Variants in FAM167A observed in about 807,000 individuals in gnomAD.
FAM167A encodes family with sequence similarity 167 member A, also known as protein FAM167A.
In FAM167A, 23 loss-of-function variants were observed where a neutral mutation model predicts 14.9. That is an observed-to-expected ratio of 1.55 (90% CI 1.11 to 2.19). The LOEUF (loss-of-function observed/expected upper bound fraction) is 2.19. Ranked by LOEUF, FAM167A falls within the 30% of genes most tolerant of loss-of-function variation. FAM167A has a pLI of 0.00. For missense variants in FAM167A, 401 were observed against 281.5 expected, an observed-to-expected ratio of 1.42 and a Z score of -3.04; for synonymous variants, 174 against 117.7, an observed-to-expected ratio of 1.48 and a Z score of -3.10.
In FAM167A at chr8:11,450,985, G is replaced by T. The variant is rs147034748; in HGVS notation, c.-397-6177C>A. On this transcript the variant is annotated intron_variant, in intron 1 of 2. Coordinates refer to ENST00000284486, the MANE Select transcript of FAM167A (RefSeq NM_053279.3). ...GGAGTTGGAGGGGACAGTCTGATGTGACAGACCTAGCTTGAGGGCCTCCTT... is the reference window on the plus strand; with the variant it reads ...GGAGTTGGAGGGGACAGTCTGATGTTACAGACCTAGCTTGAGGGCCTCCTT... Among the ~76,000 whole-genome samples, 6 of 152,358 alleles carry T rather than the reference G, an allele frequency of 3.9e-5. No homozygotes were observed. In the East Asian group the frequency reaches 1.2e-3, roughly 29 times the overall value.
At chr8:11,427,191 G>C (rs1331735888) in intron 2 of FAM167A, among the ~76,000 whole-genome samples, 2 of 152,124 alleles carry the variant, frequency 1.3e-5, no homozygotes, top group African/African-American at 2.4e-5. Context: ...TGTATTTTCT[G>C]CTCATGTTTA....
rs1806677583 is a variant in FAM167A, at chr8:11,444,718, GTCTA to G, written c.-311_-308del. ...GAATCTCGGGGCAGCCTGTGCCAAG[GTCTA>G]TCTGTCCTGAACGCACTCGAAGACC... On this transcript the variant is annotated 5_prime_UTR_variant, in exon 2 of 3. Coordinates refer to ENST00000284486, the MANE Select transcript of FAM167A (RefSeq NM_053279.3). The G allele has an allele frequency of 8.5e-7, 1 of 1,171,848 alleles. No homozygotes were observed. The highest frequency in any genetic ancestry group is 4.3e-5 in the Admixed American group (1 of 23,410). 72.6% of individuals were successfully genotyped at this position (1,171,848 alleles called of 1,614,324 possible).
chr8:11,473,951 C>A (rs918757952), intron 1 of FAM167A, among the ~76,000 whole-genome samples: 2 of 152,098 alleles, frequency 1.3e-5, no homozygotes, highest in Non-Finnish European at 2.9e-5. Context: ...CAGCTCACTG[C>A]CAATCTTTGC....
intron 1 of FAM167A, among the ~76,000 whole-genome samples, chr8:11,452,844 A>G (rs1342859158): frequency 6.6e-6 from 1 of 152,192 alleles, no homozygotes; most frequent in Non-Finnish European, 1.5e-5. Flanking sequence ...GAGCAATGGT[A>G]GGTCTCCTCA....
intron 2 of FAM167A, among the ~76,000 whole-genome samples, chr8:11,437,148 T>C (rs565680820): frequency 1.1e-3 from 164 of 152,226 alleles, no homozygotes; most frequent in Non-Finnish European, 1.3e-3. Flanking sequence ...TCCTATAGCA[T>C]GGTGGGTGAA....
At position 11,424,590 on chromosome 8, in the gene FAM167A, C is replaced by T. The variant is rs745542182; in HGVS notation, c.428G>A (p.Arg143His). ...CAGCTTGTTGATGTCGCCACGCAGG[C>T]GCATGAGCTGTCTGGCCAGTTGCTG... ...QDQQLARQLM[R>H]LRGDINKLKI... Residue 143 changes from arginine to histidine, a missense_variant, in exon 3 of 3, where the codon CGC becomes CAC. Transcript: ENST00000284486. 6.2e-6 allele frequency: 10 copies of T among 1,613,932 alleles called. No homozygotes were observed. The highest frequency in any genetic ancestry group is 4.5e-5 in the East Asian group (2 of 44,884).
In FAM167A at chr8:11,475,157, G is replaced by C. The variant is rs985560198; in HGVS notation, c.-398+709C>G. Among the ~76,000 whole-genome samples, 5 of 152,150 alleles carry C rather than the reference G, an allele frequency of 3.3e-5. No homozygotes were observed. The East Asian group carries it at 7.7e-4, about 24-fold the overall frequency. On this transcript the variant is annotated intron_variant, in intron 1 of 1. Coordinates refer to the FAM167A transcript ENST00000648766. ...AGACCAGCCTGGGGCTAACAGTTCT[G>C]CAGCCAAGGCCCACCGTGGTGCCCC...
At chr8:11,436,705 G>C (rs1806044795) in intron 2 of FAM167A, among the ~76,000 whole-genome samples, 1 of 152,210 alleles carries the variant, frequency 6.6e-6, no homozygotes, top group African/African-American at 2.4e-5. Context: ...GTGCCGAAGT[G>C]CCCTGGGGTC....
At chr8:11,464,826 C>A (rs1807689052) in intron 1 of FAM167A, among the ~76,000 whole-genome samples, 3 of 152,226 alleles carry the variant, frequency 2.0e-5, no homozygotes, top group Admixed American at 2.0e-4. Flanking sequence ...CAAGTAGTTT[C>A]TTCCTCATTG....
At chr8:11,460,303 G>A (rs1295715605) in intron 1 of FAM167A, among the ~76,000 whole-genome samples, 1 of 152,224 alleles carries the variant, frequency 6.6e-6, no homozygotes, top group African/African-American at 2.4e-5. Flanking sequence ...CCAGCCTGGT[G>A]TGGAAGAGAA....
At chr8:11,433,267 A>G (rs1361479002) in intron 2 of FAM167A, among the ~76,000 whole-genome samples, 1 of 152,136 alleles carries the variant, frequency 6.6e-6, no homozygotes, top group Non-Finnish European at 1.5e-5. Flanking sequence ...ACAAGGAGCA[A>G]CTCTATGAAG....
chr8:11,474,919 G>A (rs1038819703), intron 1 of FAM167A, among the ~76,000 whole-genome samples: 1 of 151,732 alleles, frequency 6.6e-6, no homozygotes, highest in Non-Finnish European at 1.5e-5. Flanking sequence ...AGAGGGGAGG[G>A]GAGAGGGAGA....
intron 2 of FAM167A, chr8:11,438,419 C>G (rs201626182): frequency 2.2e-6 from 1 of 453,144 alleles, no homozygotes; most frequent in Non-Finnish European, 4.4e-6. Context: ...GAAGGCCTTA[C>G]TTTTATTTTA....
intron 1 of FAM167A, among the ~76,000 whole-genome samples, chr8:11,450,856 G>A (rs1292008932): frequency 1.3e-5 from 2 of 152,078 alleles, no homozygotes; most frequent in African/African-American, 4.8e-5. Flanking sequence ...CACCCTGCCT[G>A]CCCTGACCAC....
chr8:11,440,305 A>T (rs997810549), intron 2 of FAM167A, among the ~76,000 whole-genome samples: 1 of 152,226 alleles, frequency 6.6e-6, no homozygotes, highest in African/African-American at 2.4e-5. Context: ...AGAGGCTTGG[A>T]GGATCTCCAT....
At chr8:11,456,448 A>G (rs73209249) in intron 1 of FAM167A, among the ~76,000 whole-genome samples, 17,850 of 71,564 alleles carry the variant, frequency 0.25, 1,752 homozygotes, top group Middle Eastern at 0.33. Context: ...GAGTGTGGGT[A>G]CTTGCCCTGC....
At position 11,438,510 on chromosome 8, in the gene FAM167A, G is replaced by A. The variant is rs534124460; in HGVS notation, c.381+5521C>T. ...TTGGCAAGGGAGAGAAGAGCCTGGT[G>A]CTAGCACTTTTGCTTCTTTGGTCTT... On this transcript the variant is annotated intron_variant, in intron 2 of 2. Transcript: ENST00000284486. The A allele has an allele frequency of 8.7e-6, 4 of 457,164 alleles. No individual in the cohort carries two copies. The Admixed American group carries it at 9.4e-5, about 11-fold the overall frequency. The allele number at this position is 457,164 out of a possible 1,614,324, so 28.3% of individuals were successfully genotyped here. A position where few individuals can be genotyped will look rare whatever the true frequency, so the allele number is the denominator to read the frequency against.
intron 1 of FAM167A, among the ~76,000 whole-genome samples, chr8:11,460,058 G>C (rs1195944336): frequency 6.6e-6 from 1 of 152,214 alleles, no homozygotes; most frequent in Admixed American, 6.5e-5. Context: ...TGCTTGTTTT[G>C]GTTGATGGAG....
chr8:11,444,886 G>C (rs1356355973), intron 1 of FAM167A, 78 bp from the exon 2 acceptor site: 14 of 971,830 alleles, frequency 1.4e-5, no homozygotes, highest in Non-Finnish European at 1.7e-5. Flanking sequence ...CTCCACAGGA[G>C]GGGAAACTGA....
Sources: gnomAD v4.1 joint callset for allele counts (sites outside exome capture counted in the v4.1 genomes callset) on GRCh38, gnomAD v4.1.1 for gene constraint, MANE v1.5 for transcripts, NCBI Gene and HGNC (gene_info 2026-07-23, HGNC 2026-07-21) for gene names.